The following STPG2 variants were observed in gnomAD, a reference collection of about 807,000 sequenced individuals.
STPG2 encodes sperm-tail PG-rich repeat-containing protein 2.
A neutral mutation model predicts 54.2 loss-of-function variants in STPG2; 56 were observed. The ratio of observed to expected loss-of-function variants is 1.03; its 90% CI spans 0.83 to 1.29. The LOEUF is 1.29. Ranked by LOEUF, STPG2 falls within the 50% of genes most tolerant of loss-of-function variation. The probability of loss-of-function intolerance (pLI) is 0.00; values close to 1 mark genes in which losing one functional copy is unlikely to be tolerated. For synonymous variants in STPG2, 200 were observed against 181.8 expected (o/e 1.10, Z -0.81); for missense variants, 596 against 544.9 (o/e 1.09, Z -0.93).
At chr4:97,991,270 A>T (rs1443788789) in intron 5 of STPG2, among the ~76,000 whole-genome samples, 1 of 151,770 alleles carries the variant, frequency 6.6e-6, no homozygotes, top group Non-Finnish European at 1.5e-5. Context: ...TCCATGGTGT[A>T]TATATACACA....
intron 10 of STPG2, among the ~76,000 whole-genome samples, chr4:97,599,254 G>T (rs1385383274): frequency 6.6e-6 from 1 of 152,146 alleles, no homozygotes; most frequent in Non-Finnish European, 1.5e-5. Flanking sequence ...AGAGATGCTG[G>T]CAAGGTTGCA....
chr4:97,563,354 G>A (rs1312825032), intron 10 of STPG2, among the ~76,000 whole-genome samples: 12 of 150,724 alleles, frequency 8.0e-5, no homozygotes, highest in South Asian at 6.3e-4. Context: ...TCTTGCTAGC[G>A]GTCTATCAAT....
At chr4:98,116,399 A>T (rs1386088156) in intron 3 of STPG2, among the ~76,000 whole-genome samples, 1 of 151,944 alleles carries the variant, frequency 6.6e-6, no homozygotes, top group African/African-American at 2.4e-5. Context: ...TTTTCTCAGG[A>T]TATTTTAGGT....
chr4:97,804,157 C>A (rs554177194), intron 9 of STPG2, among the ~76,000 whole-genome samples: 2 of 152,300 alleles, frequency 1.3e-5, no homozygotes, highest in Admixed American at 1.3e-4. Context: ...TAATTCTCAT[C>A]ATAATATAAT....
At chr4:97,840,495 A>T (rs1412293173) in intron 9 of STPG2, among the ~76,000 whole-genome samples, 1 of 151,640 alleles carries the variant, frequency 6.6e-6, no homozygotes, top group African/African-American at 2.4e-5. Flanking sequence ...GTAAATGCAA[A>T]TGTTGTTTAC....
intron 9 of STPG2, among the ~76,000 whole-genome samples, chr4:97,837,938 A>G (rs1215919778): frequency 6.6e-6 from 1 of 151,550 alleles, no homozygotes; most frequent in African/African-American, 2.4e-5. Flanking sequence ...ATCAATTTTA[A>G]TTTTCCAATA....
chr4:97,818,949 T>C (rs1727999823), intron 9 of STPG2, among the ~76,000 whole-genome samples: 1 of 147,836 alleles, frequency 6.8e-6, no homozygotes, highest in Non-Finnish European at 1.5e-5. Context: ...ATCTCTTATA[T>C]AAATATACAT....
intron 5 of STPG2, among the ~76,000 whole-genome samples, chr4:98,102,205 G>A (rs886580767): frequency 1.3e-5 from 2 of 152,118 alleles, no homozygotes; most frequent in African/African-American, 4.8e-5. Flanking sequence ...TACATCACCA[G>A]AACAACATAG....
intron 8 of STPG2, among the ~76,000 whole-genome samples, chr4:97,911,572 C>T (rs1416667246): frequency 6.6e-6 from 1 of 152,170 alleles, no homozygotes; most frequent in East Asian, 1.9e-4. Flanking sequence ...TGTGGCAAAT[C>T]GTGGCCAGAC....
intron 5 of STPG2, among the ~76,000 whole-genome samples, chr4:98,041,907 G>A (rs1736972358): frequency 6.6e-6 from 1 of 151,940 alleles, no homozygotes; most frequent in Non-Finnish European, 1.5e-5. Context: ...CCGCAGAATT[G>A]GTACAAGTTC....
At chr4:97,813,992 G>A (rs1727831252) in intron 9 of STPG2, among the ~76,000 whole-genome samples, 1 of 151,890 alleles carries the variant, frequency 6.6e-6, no homozygotes, top group Non-Finnish European at 1.5e-5. Context: ...GTTGCTTTCA[G>A]TAGAATGTAC....
intron 8 of STPG2, among the ~76,000 whole-genome samples, chr4:97,911,337 G>C (rs927997414): frequency 6.6e-6 from 1 of 152,194 alleles, no homozygotes; most frequent in African/African-American, 2.4e-5. Flanking sequence ...AAGCAGGCTC[G>C]TTCAGCAGGC....
chr4:97,492,174 G>A (rs1349717181), intron 4 of STPG2, among the ~76,000 whole-genome samples: 2 of 151,384 alleles, frequency 1.3e-5, no homozygotes, highest in Non-Finnish European at 3.0e-5. Flanking sequence ...TTTCCCTGGT[G>A]CCAAAGGGAA....
intron 10 of STPG2, among the ~76,000 whole-genome samples, chr4:97,564,636 C>CA (rs1163567717): frequency 6.6e-6 from 1 of 152,106 alleles, no homozygotes; most frequent in African/African-American, 2.4e-5. Flanking sequence ...CTGGTGGTGA[C>CA]AAAATCTCTC....
At chr4:97,953,331 C>T (rs558119517) in intron 7 of STPG2, among the ~76,000 whole-genome samples, 2 of 152,296 alleles carry the variant, frequency 1.3e-5, no homozygotes, top group South Asian at 4.1e-4. Flanking sequence ...CTCACACCTG[C>T]TAGCAACAGC....
intron 9 of STPG2, among the ~76,000 whole-genome samples, chr4:97,789,878 T>A (rs1484367316): frequency 6.6e-6 from 1 of 152,090 alleles, no homozygotes; most frequent in African/African-American, 2.4e-5. Flanking sequence ...TCTTTTCTGA[T>A]CTCCTTGCAA....
At chr4:98,077,228 G>T (rs13142838) in intron 5 of STPG2, among the ~76,000 whole-genome samples, 14 of 83,188 alleles carry the variant, frequency 1.7e-4, no homozygotes, top group South Asian at 4.6e-4. Flanking sequence ...CAATAGTTTT[G>T]TTGTTGTTGT....
intron 7 of STPG2, among the ~76,000 whole-genome samples, chr4:97,958,213 G>A (rs906495898): frequency 6.6e-6 from 1 of 152,046 alleles, no homozygotes; most frequent in African/African-American, 2.4e-5. Context: ...GAAAGGCTGA[G>A]GCACAAGAAT....
chr4:98,096,245 CAA>C (rs2110131272), intron 5 of STPG2, among the ~76,000 whole-genome samples: 2 of 151,998 alleles, frequency 1.3e-5, no homozygotes, highest in East Asian at 3.9e-4. Flanking sequence ...AACACAAAAA[CAA>C]TTAGCCAGGC....
Sources: allele counts gnomAD v4.1 joint callset (sites outside exome capture counted in the v4.1 genomes callset), GRCh38; gene constraint gnomAD v4.1.1; transcripts MANE v1.5; gene names NCBI Gene and HGNC (gene_info 2026-07-23, HGNC 2026-07-21).